The following ZC3H7B variants were observed in gnomAD, a reference collection of about 807,000 sequenced individuals.
ZC3H7B encodes zinc finger CCCH domain-containing protein 7B.
ZC3H7B carries 35 observed loss-of-function variants against 116.0 expected under a neutral mutation model. That is an observed-to-expected ratio of 0.30 (90% CI 0.23 to 0.40). The LOEUF is 0.40. ZC3H7B is among the 10% of genes least tolerant of loss of function. The pLI, the probability that ZC3H7B is intolerant of heterozygous loss-of-function variation, is 1.00. For missense variants in ZC3H7B, 1,011 were observed against 1,321.5 expected (o/e 0.77, Z 3.64); for synonymous variants, 502 against 545.6 (o/e 0.92, Z 1.11).
chr22:41,343,610 T>A, intron 13 of ZC3H7B, 34 bp downstream of exon 13: 1 of 1,550,300 alleles, frequency 6.5e-7, no homozygotes, highest in Non-Finnish European at 8.7e-7. Flanking sequence ...GCAGCACAGC[T>A]GGGGCCCAGC....
chr22:41,339,014 C>A lies in ZC3H7B; in HGVS notation c.639C>A (p.Asp213Glu). 6.3e-7 allele frequency: 1 copy of A among 1,589,508 alleles called. No individual in the cohort carries two copies. Among genetic ancestry groups the A allele is most frequent in the Non-Finnish European group, 8.6e-7 (1 of 1,165,654 alleles). ...IDDIETDCYVDPRGSPALLPS... is the reference protein window; with the variant it reads ...IDDIETDCYVEPRGSPALLPS... ...CCCCATCCGCAGACTGCTACGTGGA[C>A]CCTCGAGGCTCCCCAGCCCTTCTCC... The change falls in exon 9 of 23, where the codon GAC becomes GAA. Residue 213 changes from aspartate to glutamate, a missense_variant. Asp to Glu is a conservative substitution (Grantham distance 45). This residue lies in a region of ZC3H7B where 322 missense variants were observed against 443.9 expected (regional missense o/e 0.73). Transcript: ENST00000352645.
At chr22:41,311,432 AC>A (rs1005543509) in intron 1 of ZC3H7B, among the ~76,000 whole-genome samples, 5 of 152,150 alleles carry the variant, frequency 3.3e-5, no homozygotes, top group African/African-American at 9.6e-5. Context: ...TTGGAGAAAC[AC>A]CCAATCCAGC....
At chr22:41,322,173 C>A (rs2145911355) in intron 2 of ZC3H7B, among the ~76,000 whole-genome samples, 1 of 150,246 alleles carries the variant, frequency 6.7e-6, no homozygotes, top group South Asian at 2.1e-4. Context: ...TGCCTCTGAG[C>A]ACCCACATGC....
Position 41,308,332 on chromosome 22 carries a change from G to A in ZC3H7B, c.-7+6560G>A, listed in dbSNP as rs542387847. On this transcript the variant is annotated intron_variant, in intron 1 of 22. Transcript: ENST00000352645. ...CTGTGTCATCCCTCTCCCTCCACAGGCTGAGGAACGCAGGGCAGGGAGCCC... is the reference window on the plus strand; with the variant it reads ...CTGTGTCATCCCTCTCCCTCCACAGACTGAGGAACGCAGGGCAGGGAGCCC... Among the ~76,000 whole-genome samples, 128 of 152,166 alleles carry A rather than the reference G, an allele frequency of 8.4e-4. No homozygotes were observed. In the South Asian group the frequency reaches 0.026, roughly 31 times the overall value.
intron 2 of ZC3H7B, among the ~76,000 whole-genome samples, chr22:41,321,831 T>A (rs1006387695): frequency 3.4e-5 from 2 of 59,558 alleles, no homozygotes; most frequent in African/African-American, 5.4e-5. Flanking sequence ...CTCACATTCT[T>A]TTTTTTTTTT....
In ZC3H7B at chr22:41,349,018, G is replaced by A. The variant is rs1328222987; in HGVS notation, c.1767-102G>A. On this transcript the variant is annotated intron_variant, in intron 15 of 22. Transcript: ENST00000352645. This position sits in a 1 kb window ranked among gnomAD's most constrained non-coding sequence, Gnocchi z 4.9. ...CTGGATTTGGTACATAGATCAGGGGGTGCCCAGGGAGAGCCTGGCACTGGG... is the reference window on the plus strand; with the variant it reads ...CTGGATTTGGTACATAGATCAGGGGATGCCCAGGGAGAGCCTGGCACTGGG... 148 of 1,274,042 alleles carry A rather than the reference G, an allele frequency of 1.2e-4. No individual in the cohort carries two copies. The highest frequency in any genetic ancestry group is 6.8e-5 in the Non-Finnish European group (62 of 918,188). The allele number at this position is 1,274,042 out of a possible 1,614,324, so 78.9% of individuals were successfully genotyped here.
At chr22:41,325,986 G>C in intron 4 of ZC3H7B, 68 bp downstream of exon 4, 1 of 1,523,856 alleles carries the variant, frequency 6.6e-7, no homozygotes, top group Non-Finnish European at 8.8e-7. Context: ...AGTCGAGCCA[G>C]GCCCATACCC....
At chr22:41,319,315 C>T (rs1295909962) in intron 1 of ZC3H7B, among the ~76,000 whole-genome samples, 9 of 152,216 alleles carry the variant, frequency 5.9e-5, no homozygotes, top group East Asian at 1.9e-4. Flanking sequence ...GCAGAAGAAT[C>T]GCTTGAACCC....
rs576280595 is a variant in ZC3H7B, at chr22:41,351,474, G to A, written c.1949-87G>A. 4.0e-5 allele frequency: 50 copies of A among 1,244,214 alleles called. No individual in the cohort carries two copies. In the East Asian group the frequency reaches 8.0e-4, roughly 20 times the overall value. The allele number at this position is 1,244,214 out of a possible 1,614,324, so 77.1% of individuals were successfully genotyped here. On this transcript the variant is annotated intron_variant, in intron 16 of 22. Coordinates refer to ENST00000352645, the MANE Select transcript of ZC3H7B (RefSeq NM_017590.6). This position sits in a 1 kb window ranked among gnomAD's most constrained non-coding sequence, Gnocchi z 5.1. ...AATAGGGCTCCTCCAGCTGGGCCTCGGGGGTCCCTGGCACCTCGTGGACCC... is the reference window on the plus strand; with the variant it reads ...AATAGGGCTCCTCCAGCTGGGCCTCAGGGGTCCCTGGCACCTCGTGGACCC...
chr22:41,356,174 C>A, intron 20 of ZC3H7B, 112 bp downstream of exon 20: 1 of 1,435,012 alleles, frequency 7.0e-7, no homozygotes, highest in Non-Finnish European at 9.4e-7. Context: ...GCTACCTGGG[C>A]CCTTCTCCAC....
chr22:41,355,009 A>T (rs1423497704), intron 17 of ZC3H7B, among the ~76,000 whole-genome samples: 1 of 152,200 alleles, frequency 6.6e-6, no homozygotes, highest in Non-Finnish European at 1.5e-5. Context: ...GGAGCAGTTT[A>T]GAGACTGTGG....
At chr22:41,310,966 C>T (rs1436726736) in intron 1 of ZC3H7B, among the ~76,000 whole-genome samples, 1 of 151,698 alleles carries the variant, frequency 6.6e-6, no homozygotes, top group East Asian at 1.9e-4. Context: ...GGGGTTTCAC[C>T]GTGTTAGCCA....
chr22:41,318,636 C>T (rs1331605742), intron 1 of ZC3H7B, among the ~76,000 whole-genome samples: 3 of 151,904 alleles, frequency 2.0e-5, no homozygotes, highest in Non-Finnish European at 4.4e-5. Context: ...GTGATCTCAG[C>T]TGCTTGGGAG....
chr22:41,323,830 G>T (rs112197035), intron 2 of ZC3H7B, among the ~76,000 whole-genome samples: 1 of 152,154 alleles, frequency 6.6e-6, no homozygotes, highest in African/African-American at 2.4e-5. Context: ...CAGCACTTTG[G>T]GAGGCCAAGG....
intron 2 of ZC3H7B, 48 bp downstream of exon 2, chr22:41,320,761 G>A: frequency 6.2e-7 from 1 of 1,603,764 alleles, no homozygotes; most frequent in South Asian, 1.1e-5. Flanking sequence ...GGCAAGGGTG[G>A]GTTCTCTGAG....
At position 41,351,567 on chromosome 22, in the gene ZC3H7B, C is replaced by A. The variant is rs1315561074; in HGVS notation, c.1955C>A (p.Thr652Asn). Reference protein sequence around the residue: ...VWLLQQYSGMTHEDIVQESKK... With the variant: ...VWLLQQYSGMNHEDIVQESKK... ...CTGCCCCCACCCTCCCCAGGCATGA[C>A]CCACGAAGACATCGTTCAGGAGTCT... The change falls in exon 17 of 23, where the codon ACC (threonine) becomes AAC (asparagine). Residue 652 changes from threonine (T) to asparagine (N), a missense_variant. By Grantham distance (65) the Thr-to-Asn change is moderately conservative. Coordinates refer to ENST00000352645, the MANE Select transcript of ZC3H7B (RefSeq NM_017590.6). This position sits in a 1 kb window ranked among gnomAD's most constrained non-coding sequence, Gnocchi z 5.1. 2 of 1,613,492 alleles carry A rather than the reference C, an allele frequency of 1.2e-6. No homozygotes were observed. Among genetic ancestry groups the A allele is most frequent in the Non-Finnish European group, 1.7e-6 (2 of 1,179,784 alleles).
At chr22:41,335,850 C>G (rs2036439211) in intron 7 of ZC3H7B, 1 of 152,666 alleles carries the variant, frequency 6.6e-6, no homozygotes, top group Non-Finnish European at 1.5e-5. Flanking sequence ...TCTGGGCTGA[C>G]ATTTCCATGC....
At chr22:41,350,211 A>G (rs1282617371) in intron 16 of ZC3H7B, among the ~76,000 whole-genome samples, 2 of 152,200 alleles carry the variant, frequency 1.3e-5, no homozygotes, top group African/African-American at 4.8e-5. Context: ...CAAGCTCTGC[A>G]CAGAAAGGAT....
chr22:41,352,994 TAC>T, intron 17 of ZC3H7B, among the ~76,000 whole-genome samples: 1 of 151,684 alleles, frequency 6.6e-6, no homozygotes, highest in Admixed American at 6.6e-5. Flanking sequence ...GCAGGAGAAT[TAC>T]TTGAACCCAG....
Sources: allele counts gnomAD v4.1 joint callset (sites outside exome capture counted in the v4.1 genomes callset), GRCh38; gene constraint gnomAD v4.1.1; regional missense constraint gnomAD v4.1.1; non-coding constraint Gnocchi (gnomAD v3.1); transcripts MANE v1.5; gene names NCBI Gene and HGNC (gene_info 2026-07-23, HGNC 2026-07-21).